The following NREP variants were observed in gnomAD, a reference collection of about 807,000 sequenced individuals.
NREP encodes the protein neuronal regeneration-related protein.
In NREP, 5 loss-of-function variants were observed where a neutral mutation model predicts 8.6. That is an observed-to-expected ratio of 0.58 (90% CI 0.30 to 1.22). The LOEUF (loss-of-function observed/expected upper bound fraction) is 1.22, where lower values mean the gene tolerates loss of function less well. Ranked by LOEUF, NREP falls within the 50% of genes most tolerant of loss-of-function variation. NREP has a pLI of 0.07. For missense variants in NREP, 86 were observed against 82.5 expected, an observed-to-expected ratio of 1.04 and a Z score of -0.17; for synonymous variants, 27 against 28.0, an observed-to-expected ratio of 0.96 and a Z score of 0.11.
At chr5:111,948,539 C>T in intron 2 of NREP, among the ~76,000 whole-genome samples, 1 of 152,086 alleles carries the variant, frequency 6.6e-6, no homozygotes, top group East Asian at 1.9e-4. Flanking sequence ...AATCATGTGT[C>T]TTATGTACCC....
chr5:111,871,148 A>G (rs1169668958), intron 2 of NREP, among the ~76,000 whole-genome samples: 2 of 151,288 alleles, frequency 1.3e-5, no homozygotes, highest in Non-Finnish European at 2.9e-5. Context: ...CAACTTCATC[A>G]TTGTGCAAAT....
At chr5:111,966,842 G>T (rs1333236322) in intron 2 of NREP, among the ~76,000 whole-genome samples, 1 of 152,030 alleles carries the variant, frequency 6.6e-6, no homozygotes, top group Non-Finnish European at 1.5e-5. Context: ...ACTATGTAAG[G>T]GAACCAAGAT....
upstream of NREP, among the ~76,000 whole-genome samples, chr5:111,762,573 G>A (rs960504603): frequency 2.6e-5 from 4 of 151,938 alleles, no homozygotes; most frequent in African/African-American, 9.7e-5. Flanking sequence ...TCATATGGTC[G>A]GGCTCTAACC....
Position 111,964,176 on chromosome 5 carries a change from T to C in NREP, c.135+11098A>G, listed in dbSNP as rs899528051. ...ACTACTTATTCCCCAAGAATGTATTTTCTAATTTTTGCTTATTAAATAGAA... is the reference window on the plus strand; with the variant it reads ...ACTACTTATTCCCCAAGAATGTATTCTCTAATTTTTGCTTATTAAATAGAA... On this transcript the variant is annotated intron_variant, in intron 2 of 3. Coordinates refer to the NREP transcript ENST00000395634. 5.9e-5 allele frequency among the ~76,000 whole-genome samples: 9 copies of C among 152,356 alleles called. No individual in the cohort carries two copies. The East Asian group carries it at 1.7e-3, about 29-fold the overall frequency.
chr5:111,826,411 C>T lies in NREP; in HGVS notation c.136-90904G>A, dbSNP rs565577554. ...CTTTTGGCAATAAATCTGGCTGCTG[C>T]TCAGTGTTTGGGTCTGCACTGCATT... is the stretch of plus-strand genomic sequence containing the variant. On this transcript the variant is annotated intron_variant, in intron 2 of 3. Coordinates refer to the NREP transcript ENST00000395634. Among the ~76,000 whole-genome samples the T allele has an allele frequency of 7.9e-5, 12 of 152,304 alleles. No homozygotes were observed. The South Asian group carries it at 2.5e-3, about 32-fold the overall frequency.
chr5:111,894,829 T>C (rs1430357770), intron 2 of NREP, among the ~76,000 whole-genome samples: 1 of 152,194 alleles, frequency 6.6e-6, no homozygotes, highest in African/African-American at 2.4e-5. Flanking sequence ...AGGCTGTTCA[T>C]GTGAGGTGAA....
intron 2 of NREP, among the ~76,000 whole-genome samples, chr5:111,877,130 C>A (rs1223971270): frequency 6.6e-6 from 1 of 152,154 alleles, no homozygotes; most frequent in Non-Finnish European, 1.5e-5. Flanking sequence ...GTTACCTAAG[C>A]CAAATATTCT....
chr5:111,763,913 G>A (rs1751023456), intron 2 of NREP, among the ~76,000 whole-genome samples: 1 of 152,168 alleles, frequency 6.6e-6, no homozygotes, highest in African/African-American at 2.4e-5. Context: ...GGGAAATGCA[G>A]AAACATGCTC....
At chr5:111,921,426 T>G (rs1351979896) in intron 2 of NREP, among the ~76,000 whole-genome samples, 1 of 152,068 alleles carries the variant, frequency 6.6e-6, no homozygotes, top group Non-Finnish European at 1.5e-5. Flanking sequence ...GATCAGCTAA[T>G]TTTTGGGTGG....
intron 2 of NREP, among the ~76,000 whole-genome samples, chr5:111,764,827 A>T (rs935642030): frequency 6.6e-6 from 1 of 152,244 alleles, no homozygotes; most frequent in Non-Finnish European, 1.5e-5. Context: ...TCTGGAATTC[A>T]TAGAAGTACA....
At chr5:111,739,110 T>C (rs943752110) in intron 2 of NREP, 39 of 152,326 alleles carry the variant, frequency 2.6e-4, no homozygotes, top group African/African-American at 8.7e-4. Flanking sequence ...CACAGTGTGC[T>C]TTTTAAGGGC....
chr5:111,763,748 G>A (rs997318509), intron 2 of NREP, among the ~76,000 whole-genome samples: 8 of 109,926 alleles, frequency 7.3e-5, no homozygotes, highest in African/African-American at 2.4e-4. Context: ...ATCCCAGTAC[G>A]TCTGTATGTG....
chr5:111,909,717 C>G (rs1005497337), intron 2 of NREP, among the ~76,000 whole-genome samples: 7 of 152,036 alleles, frequency 4.6e-5, no homozygotes, highest in African/African-American at 1.7e-4. Flanking sequence ...GAAATTTATT[C>G]CACCTACATG....
intron 2 of NREP, among the ~76,000 whole-genome samples, chr5:111,881,654 A>C (rs971297923): frequency 6.6e-6 from 1 of 152,202 alleles, no homozygotes; most frequent in African/African-American, 2.4e-5. Context: ...ACGATCAGAC[A>C]GCAGCATTTG....
chr5:111,939,951 C>T (rs1755785572), intron 2 of NREP: 1 of 152,068 alleles, frequency 6.6e-6, no homozygotes, highest in Non-Finnish European at 1.5e-5. Flanking sequence ...ACTGTTATCA[C>T]AGGCTTATAG....
At chr5:111,770,919 C>T (rs1039686649) in intron 2 of NREP, among the ~76,000 whole-genome samples, 8 of 152,042 alleles carry the variant, frequency 5.3e-5, no homozygotes, top group African/African-American at 1.9e-4. Context: ...AGAAGAGCTC[C>T]AGCTTAATTT....
chr5:111,777,355 A>AGTGTGT lies in NREP; in HGVS notation c.136-41854_136-41849dup, dbSNP rs57727316. Among the ~76,000 whole-genome samples the AGTGTGT allele has an allele frequency of 9.7e-4, 144 of 148,772 alleles. 1 individual carries two copies. Among genetic ancestry groups the AGTGTGT allele is most frequent in the South Asian group, 2.4e-3 (11 of 4,664 alleles). ...AGTGTGTGGTGTGGGTGTGTGTGTG[A>AGTGTGT]GTGTGTGTGTGTGTGTGTGTGTTTT... On this transcript the variant is annotated intron_variant, in intron 2 of 3. Coordinates refer to the NREP transcript ENST00000395634.
intron 2 of NREP, among the ~76,000 whole-genome samples, chr5:111,853,828 G>A (rs1753364069): frequency 6.6e-6 from 1 of 152,078 alleles, no homozygotes; most frequent in African/African-American, 2.4e-5. Flanking sequence ...GCTTATAAGT[G>A]TGTCCCTCTC....
chr5:111,924,715 C>T (rs1755336930), intron 2 of NREP, among the ~76,000 whole-genome samples: 1 of 152,116 alleles, frequency 6.6e-6, no homozygotes, highest in East Asian at 1.9e-4. Flanking sequence ...TGGCCCTTTT[C>T]TAGCCTCTGG....
Sources: gnomAD v4.1 joint callset for allele counts (sites outside exome capture counted in the v4.1 genomes callset) on GRCh38, gnomAD v4.1.1 for gene constraint, MANE v1.5 for transcripts, NCBI Gene and HGNC (gene_info 2026-07-23, HGNC 2026-07-21) for gene names.